CEP128: variants seen among roughly 807,000 people sequenced by gnomAD.
The protein encoded by CEP128 is centrosomal protein 128kDa.
In CEP128, 132 loss-of-function variants were observed where a neutral mutation model predicts 156.7. The ratio of observed to expected loss-of-function variants is 0.84; its 90% confidence interval spans 0.73 to 0.97. CEP128 has a LOEUF of 0.97. Among genes scored for constraint, CEP128 ranks in the 50% least tolerant of loss-of-function variants. CEP128 has a pLI of 0.00. For synonymous variants in CEP128, 469 were observed against 448.9 expected (o/e 1.04, Z -0.57); for missense variants, 1,252 against 1,281.9 (o/e 0.98, Z 0.36).
intron 15 of CEP128, 31 bp from the exon 16 acceptor site, chr14:80,778,077 T>A (rs768014165): frequency 1.9e-6 from 3 of 1,601,224 alleles, no homozygotes; most frequent in South Asian, 1.1e-5. Context: ...AAACAGAAAG[T>A]CCACTAGCCA....
intron 19 of CEP128, among the ~76,000 whole-genome samples, chr14:80,650,781 G>A (rs1894869320): frequency 6.6e-6 from 1 of 152,102 alleles, no homozygotes. Context: ...CTTGATCATG[G>A]TGGATAAGCT....
chr14:80,727,573 AT>A (rs1404726958), intron 19 of CEP128, among the ~76,000 whole-genome samples: 4 of 152,176 alleles, frequency 2.6e-5, no homozygotes, highest in Non-Finnish European at 4.4e-5. Flanking sequence ...AAAAGAAACT[AT>A]CAACAAACAG....
Position 80,729,090 on chromosome 14 carries a change from T to G in CEP128, c.2806+13985A>C, listed in dbSNP as rs1040468552. Among the ~76,000 whole-genome samples the G allele has an allele frequency of 3.6e-3, 242 of 68,010 alleles. 2 individuals are homozygous for G. Among genetic ancestry groups the G allele is most frequent in the African/African-American group, 7.4e-3 (228 of 31,014 alleles). The allele number at this position is 68,010 out of a possible 152,430, so 44.6% of individuals were successfully genotyped here. A position where few individuals can be genotyped will look rare whatever the true frequency, so the allele number is the denominator to read the frequency against. ...GTGTGTGTGTGTGTGTGTGTGTGTG[T>G]GTGTGTGTGTGTGTGTGTGTGTGTG... On this transcript the variant is annotated intron_variant, in intron 19 of 24. Transcript: ENST00000555265.
intron 7 of CEP128, among the ~76,000 whole-genome samples, chr14:80,898,622 C>A (rs1889455214): frequency 6.6e-6 from 1 of 152,122 alleles, no homozygotes; most frequent in Non-Finnish European, 1.5e-5. Flanking sequence ...ACTCATGTTC[C>A]CAGTGCTTAA....
chr14:80,834,067 T>C (rs1885949429), intron 12 of CEP128, among the ~76,000 whole-genome samples: 2 of 151,948 alleles, frequency 1.3e-5, no homozygotes, highest in Non-Finnish European at 1.5e-5. Flanking sequence ...GGGCCAATGG[T>C]TAGGAGAGCA....
At chr14:80,761,756 C>T in intron 16 of CEP128, 143 bp from the exon 17 acceptor site, 1 of 516,596 alleles carries the variant, frequency 1.9e-6, no homozygotes, top group Non-Finnish European at 3.3e-6. Flanking sequence ...AAAATAAAAA[C>T]ACTTTAATCT....
At chr14:80,501,643 T>G (rs1056812458) in intron 24 of CEP128, among the ~76,000 whole-genome samples, 5 of 152,080 alleles carry the variant, frequency 3.3e-5, no homozygotes, top group African/African-American at 1.2e-4. Flanking sequence ...TAGCTGGGAC[T>G]ACAGGCACCC....
intron 9 of CEP128, among the ~76,000 whole-genome samples, chr14:80,842,560 T>C (rs1047036494): frequency 2.6e-5 from 4 of 152,034 alleles, no homozygotes; most frequent in Non-Finnish European, 4.4e-5. Flanking sequence ...AAGAGAGATA[T>C]TTTTAAATCA....
intron 14 of CEP128, among the ~76,000 whole-genome samples, chr14:80,791,771 CTA>C (rs144559352): frequency 0.048 from 7,344 of 152,222 alleles, 195 homozygotes; most frequent in Middle Eastern, 0.061. Context: ...CTTTCATCTT[CTA>C]TATGTCCGAG....
At position 80,816,621 on chromosome 14, in the gene CEP128, G is replaced by A. The variant is rs971014872; in HGVS notation, c.1209+14522C>T. 2.0e-5 allele frequency among the ~76,000 whole-genome samples: 3 copies of A among 152,268 alleles called. No individual in the cohort carries two copies. In the South Asian group the frequency reaches 6.2e-4, roughly 32 times the overall value. ...AGCTCCACTACAGTTGTGCAAGATC[G>A]TGCTGAGAGGGAGAGGCCTTATGAA... On this transcript the variant is annotated intron_variant, in intron 13 of 24. Coordinates refer to ENST00000555265, the MANE Select transcript of CEP128 (RefSeq NM_152446.5).
chr14:80,513,209 C>G lies in CEP128; in HGVS notation c.3073-8189G>C, dbSNP rs76082655. Among the ~76,000 whole-genome samples the G allele has an allele frequency of 5.5e-3, 843 of 152,214 alleles. 3 individuals carry two copies. The highest frequency in any genetic ancestry group is 0.01 in the Non-Finnish European group (684 of 67,980). Reference sequence around the variant, plus strand: ...TGTTTGTCTGGGAAAGTCTTCATTTCCCCTTCACATGTGAAGGATATTTTT... The same window carrying G: ...TGTTTGTCTGGGAAAGTCTTCATTTGCCCTTCACATGTGAAGGATATTTTT... On this transcript the variant is annotated intron_variant, in intron 23 of 24. Coordinates refer to ENST00000555265, the MANE Select transcript of CEP128 (RefSeq NM_152446.5).
chr14:80,748,215 T>G (rs933332113), intron 18 of CEP128, among the ~76,000 whole-genome samples: 1 of 152,188 alleles, frequency 6.6e-6, no homozygotes, highest in African/African-American at 2.4e-5. Context: ...CCAATTATGA[T>G]TGCAGAAATT....
At chr14:80,673,448 C>T (rs899339041) in intron 19 of CEP128, among the ~76,000 whole-genome samples, 2 of 147,444 alleles carry the variant, frequency 1.4e-5, no homozygotes, top group African/African-American at 2.5e-5. Flanking sequence ...TCGAGACCAT[C>T]CCGGCTAAAA....
At chr14:80,498,080 C>G (rs1051273362) in intron 24 of CEP128, among the ~76,000 whole-genome samples, 12 of 152,174 alleles carry the variant, frequency 7.9e-5, no homozygotes, top group African/African-American at 2.9e-4. Context: ...CTCTCCTTAT[C>G]TCTACTCTCT....
At chr14:80,617,421 G>A (rs12888388) in intron 19 of CEP128, among the ~76,000 whole-genome samples, 1 of 151,670 alleles carries the variant, frequency 6.6e-6, no homozygotes. Flanking sequence ...ATTTTTAGTA[G>A]AGACGGGGTT....
chr14:80,623,326 G>A (rs972273014), intron 19 of CEP128, among the ~76,000 whole-genome samples: 2 of 147,858 alleles, frequency 1.4e-5, no homozygotes, highest in African/African-American at 5.0e-5. Flanking sequence ...GGGGGAAGGG[G>A]GAGGGATAGC....
chr14:80,804,942 T>G (rs1372305670), intron 13 of CEP128, among the ~76,000 whole-genome samples: 1 of 152,108 alleles, frequency 6.6e-6, no homozygotes, highest in Admixed American at 6.5e-5. Context: ...ACAAGGCTGC[T>G]CAAGGGCAAT....
intron 19 of CEP128, among the ~76,000 whole-genome samples, chr14:80,657,757 G>A (rs757756670): frequency 6.6e-6 from 1 of 152,050 alleles, no homozygotes; most frequent in Non-Finnish European, 1.5e-5. Flanking sequence ...GAACAAATGT[G>A]TAAAAAGCTT....
intron 21 of CEP128, among the ~76,000 whole-genome samples, chr14:80,541,989 G>T (rs984218351): frequency 6.6e-6 from 1 of 152,158 alleles, no homozygotes; most frequent in African/African-American, 2.4e-5. Flanking sequence ...TTGTTGTAAG[G>T]ATCAAATACA....
Sources: allele counts gnomAD v4.1 joint callset (sites outside exome capture counted in the v4.1 genomes callset), GRCh38; gene constraint gnomAD v4.1.1; transcripts MANE v1.5; gene names NCBI Gene and HGNC (gene_info 2026-07-23, HGNC 2026-07-21).